The following EDIL3 variants were observed in gnomAD, a reference collection of about 807,000 sequenced individuals.
EDIL3 encodes the protein EGF-like repeat and discoidin I-like domain-containing protein 3.
In EDIL3, 37 loss-of-function variants were observed where a neutral mutation model predicts 67.4. The ratio of observed to expected loss-of-function variants is 0.55; its 90% CI spans 0.42 to 0.72. EDIL3 has a LOEUF of 0.72. Among genes scored for constraint, EDIL3 ranks in the 30% least tolerant of loss-of-function variants. The pLI is 0.00. For synonymous variants in EDIL3, 195 were observed against 196.3 expected (o/e 0.99, Z 0.05); for missense variants, 527 against 586.3 (o/e 0.90, Z 1.04).
intron 6 of EDIL3, among the ~76,000 whole-genome samples, chr5:84,102,886 A>G (rs1482758578): frequency 1.3e-5 from 2 of 151,608 alleles, no homozygotes; most frequent in African/African-American, 4.8e-5. Flanking sequence ...ATCTTAAAAT[A>G]GCCAAGACAA....
chr5:84,118,306 A>G (rs1305119469), intron 5 of EDIL3, among the ~76,000 whole-genome samples: 1 of 152,178 alleles, frequency 6.6e-6, no homozygotes, highest in Non-Finnish European at 1.5e-5. Flanking sequence ...TTATCAGCTC[A>G]GCTAACTAAA....
intron 3 of EDIL3, among the ~76,000 whole-genome samples, chr5:84,216,228 T>C (rs531340011): frequency 1.3e-5 from 2 of 152,332 alleles, no homozygotes; most frequent in East Asian, 1.9e-4. Context: ...ATATTTTTAA[T>C]GCAAGTATGT....
chr5:84,369,752 T>C (rs1278848861), intron 1 of EDIL3, among the ~76,000 whole-genome samples: 1 of 152,182 alleles, frequency 6.6e-6, no homozygotes, highest in East Asian at 1.9e-4. Context: ...GTAAATTTCA[T>C]GTTATGTGCA....
intron 10 of EDIL3, among the ~76,000 whole-genome samples, chr5:83,945,973 T>G (rs1176673461): frequency 1.3e-5 from 2 of 152,000 alleles, no homozygotes; most frequent in African/African-American, 4.8e-5. Flanking sequence ...GTACTTGTTG[T>G]GTAAACATGT....
chr5:84,086,416 G>A (rs1747072981), intron 6 of EDIL3, among the ~76,000 whole-genome samples: 1 of 152,126 alleles, frequency 6.6e-6, no homozygotes, highest in African/African-American at 2.4e-5. Context: ...CAGGTCCCCC[G>A]GCTCCTTGCG....
chr5:83,987,871 A>ATG (rs1745082585), intron 9 of EDIL3, among the ~76,000 whole-genome samples: 11 of 49,062 alleles, frequency 2.2e-4, no homozygotes, highest in African/African-American at 6.3e-4. Flanking sequence ...GTGTGTATGT[A>ATG]TATATATATA....
At chr5:84,210,553 C>T (rs1744098934) in intron 3 of EDIL3, among the ~76,000 whole-genome samples, 2 of 151,876 alleles carry the variant, frequency 1.3e-5, no homozygotes, top group South Asian at 4.2e-4. Context: ...TATTGCTTAT[C>T]TGTTTTTCTC....
chr5:84,188,758 C>T (rs1345856298), intron 3 of EDIL3, among the ~76,000 whole-genome samples: 2 of 152,010 alleles, frequency 1.3e-5, no homozygotes, highest in Non-Finnish European at 2.9e-5. Flanking sequence ...TTCTGCCACA[C>T]AGAGGAAAAG....
At chr5:84,180,319 C>A in intron 4 of EDIL3, 74 bp downstream of exon 4, 1 of 1,454,936 alleles carries the variant, frequency 6.9e-7, no homozygotes, top group Admixed American at 2.4e-5. Flanking sequence ...GATTCTACTA[C>A]AAACAAGAAT....
In EDIL3 at chr5:84,241,405, C is replaced by T. The variant is rs574986757; in HGVS notation, c.197-11521G>A. The stretch of plus-strand genomic sequence containing the variant: ...AATTCCAACTTGGTATTTATTATAC[C>T]TTTACAGGATTCCCATTTTGCAATC... On this transcript the variant is annotated intron_variant, in intron 2 of 10. Coordinates refer to ENST00000296591, the MANE Select transcript of EDIL3 (RefSeq NM_005711.5). Among the ~76,000 whole-genome samples the T allele has an allele frequency of 1.6e-4, 24 of 152,026 alleles. No homozygotes were observed. In the South Asian group the frequency reaches 3.9e-3, roughly 25 times the overall value.
intron 2 of EDIL3, among the ~76,000 whole-genome samples, chr5:84,239,655 G>C (rs1420270337): frequency 6.6e-6 from 1 of 152,214 alleles, no homozygotes; most frequent in Non-Finnish European, 1.5e-5. Flanking sequence ...AGATTAGTCA[G>C]AGGAGGTCAT....
chr5:84,366,196 G>C (rs988298299), intron 1 of EDIL3, among the ~76,000 whole-genome samples: 1 of 152,092 alleles, frequency 6.6e-6, no homozygotes, highest in African/African-American at 2.4e-5. Context: ...ATCAGAATGT[G>C]TACCAAGTAT....
intron 6 of EDIL3, among the ~76,000 whole-genome samples, chr5:84,093,489 G>A (rs955650067): frequency 6.6e-6 from 1 of 152,100 alleles, no homozygotes; most frequent in African/African-American, 2.4e-5. Context: ...TGATGGGGCT[G>A]AATCTAAAGA....
chr5:84,179,542 C>T (rs550529865), intron 4 of EDIL3, among the ~76,000 whole-genome samples: 4 of 152,188 alleles, frequency 2.6e-5, no homozygotes, highest in South Asian at 2.1e-4. Context: ...ATACAGCTCT[C>T]GCTGACAAAT....
At chr5:84,338,802 C>T (rs985725669) in intron 1 of EDIL3, among the ~76,000 whole-genome samples, 12 of 152,134 alleles carry the variant, frequency 7.9e-5, no homozygotes, top group African/African-American at 2.9e-4. Flanking sequence ...GGCAGCACCC[C>T]AGGCCCAGAT....
chr5:84,322,117 A>G (rs1011879382), intron 1 of EDIL3, among the ~76,000 whole-genome samples: 14 of 151,758 alleles, frequency 9.2e-5, no homozygotes, highest in African/African-American at 3.4e-4. Flanking sequence ...GGGAAATGTG[A>G]TTTCCAAATT....
intron 3 of EDIL3, among the ~76,000 whole-genome samples, chr5:84,199,461 T>C (rs1407139493): frequency 6.6e-6 from 1 of 151,968 alleles, no homozygotes; most frequent in Non-Finnish European, 1.5e-5. Context: ...CTGAGGTAGA[T>C]GTCACTATTA....
chr5:83,969,885 T>C (rs1744761076), intron 9 of EDIL3, among the ~76,000 whole-genome samples: 1 of 151,872 alleles, frequency 6.6e-6, no homozygotes, highest in African/African-American at 2.4e-5. Flanking sequence ...CAAACATTTA[T>C]TATTTCTTTT....
chr5:84,035,462 T>C (rs1255692474), intron 9 of EDIL3, among the ~76,000 whole-genome samples: 5 of 152,162 alleles, frequency 3.3e-5, no homozygotes, highest in African/African-American at 1.2e-4. Flanking sequence ...ATTAGATTCA[T>C]TTAATCCATT....
Sources: gnomAD v4.1 joint callset for allele counts (sites outside exome capture counted in the v4.1 genomes callset) on GRCh38, gnomAD v4.1.1 for gene constraint, MANE v1.5 for transcripts, NCBI Gene and HGNC (gene_info 2026-07-23, HGNC 2026-07-21) for gene names.